Variants in ANXA6 observed in about 807,000 individuals in gnomAD.
The protein encoded by ANXA6 is annexin A6.
A neutral mutation model predicts 95.4 loss-of-function variants in ANXA6; 71 were observed. The ratio of observed to expected loss-of-function variants is 0.74; its 90% CI spans 0.61 to 0.91. ANXA6 has a LOEUF of 0.91. Among genes scored for constraint, ANXA6 ranks in the 40% least tolerant of loss-of-function variants. The pLI, the probability that ANXA6 is intolerant of heterozygous loss-of-function variation, is 0.00. For missense variants in ANXA6, 830 were observed against 876.4 expected (o/e 0.95, Z 0.67); for synonymous variants, 289 against 315.9 (o/e 0.91, Z 0.90).
At chr5:151,115,084 A>G (rs2113905373) in intron 20 of ANXA6, among the ~76,000 whole-genome samples, 1 of 152,372 alleles carries the variant, frequency 6.6e-6, no homozygotes, top group East Asian at 1.9e-4. Context: ...TGGTTAAATA[A>G]CATGGTAGAT....
intron 1 of ANXA6, among the ~76,000 whole-genome samples, chr5:151,150,145 A>ATGTT (rs1377340124): frequency 6.6e-6 from 1 of 152,000 alleles, no homozygotes; most frequent in Non-Finnish European, 1.5e-5. Context: ...TAAACATAAC[A>ATGTT]AAGTCAATCA....
intron 10 of ANXA6, 35 bp downstream of exon 10, chr5:151,132,441 C>G: frequency 6.5e-7 from 1 of 1,531,900 alleles, no homozygotes; most frequent in Non-Finnish European, 8.9e-7. Context: ...TCCAGAATCC[C>G]CTAAAGCCCC....
rs778909451 is a variant in ANXA6 at position 151,117,187 on chromosome 5, C to T, written c.1519-7G>A. The T allele has an allele frequency of 1.3e-6, 2 of 1,588,768 alleles. No homozygotes were observed. The highest frequency in any genetic ancestry group is 1.7e-6 in the Non-Finnish European group (2 of 1,165,166). ...CTCCCTCCTCACGATGCCCCTGCAG[C>T]AGGAGCAGCAAGAAAGTTCAGTCCC... On this transcript the variant is annotated splice_region_variant and splice_polypyrimidine_tract_variant and intron_variant, in intron 19 of 25. Transcript: ENST00000354546.
chr5:151,129,678 C>T, intron 11 of ANXA6, 149 bp from the exon 12 acceptor site: 1 of 842,508 alleles, frequency 1.2e-6, no homozygotes, highest in Admixed American at 2.8e-5. Flanking sequence ...TTGAAGCTCT[C>T]TCTATGCTCC....
intron 25 of ANXA6, among the ~76,000 whole-genome samples, chr5:151,102,450 T>C (rs1764575425): frequency 6.6e-6 from 1 of 152,136 alleles, no homozygotes; most frequent in Non-Finnish European, 1.5e-5. Context: ...ACACCTGTAA[T>C]CCCAGCACTT....
In ANXA6 at chr5:151,137,271, G is replaced by A. The variant is rs374781571; in HGVS notation, c.369C>T (p.Thr123=). The A allele has an allele frequency of 8.7e-6, 14 of 1,613,556 alleles. No homozygotes were observed. Among genetic ancestry groups the A allele is most frequent in the Admixed American group, 1.7e-5 (1 of 59,982 alleles). The change falls in exon 6 of 26, where the codon ACC becomes ACT. Residue 123 remains threonine, a synonymous_variant. Coordinates refer to ENST00000354546, the MANE Select transcript of ANXA6 (RefSeq NM_001155.5). The part of the protein sequence containing the change: ...KCLIEILASR[T]NEQMHQLVAA... ...CCACCAGCTGGTGCATCTGCTCATT[G>A]GTCCGGGAAGCCAAGATCTCAATGA...
intron 1 of ANXA6, among the ~76,000 whole-genome samples, chr5:151,149,398 G>A (rs1766051778): frequency 6.6e-6 from 1 of 152,106 alleles, no homozygotes; most frequent in Non-Finnish European, 1.5e-5. Flanking sequence ...GCACTCAGGA[G>A]GGCAACAGAT....
chr5:151,131,728 C>T (rs1254525444), intron 10 of ANXA6, among the ~76,000 whole-genome samples: 1 of 152,122 alleles, frequency 6.6e-6, no homozygotes, highest in East Asian at 1.9e-4. Context: ...CAGGGGATGG[C>T]TCTGGGAGGG....
chr5:151,105,496 C>T (rs571764473), intron 23 of ANXA6, among the ~76,000 whole-genome samples, 193 bp from the exon 24 acceptor site: 1 of 152,128 alleles, frequency 6.6e-6, no homozygotes, highest in African/African-American at 2.4e-5. Context: ...CATCCTTAGG[C>T]CTGGCTCTCA....
intron 19 of ANXA6, among the ~76,000 whole-genome samples, 162 bp from the exon 20 acceptor site, chr5:151,117,342 T>C (rs936942413): frequency 6.6e-6 from 1 of 152,162 alleles, no homozygotes; most frequent in African/African-American, 2.4e-5. Context: ...TTGTGGTCAT[T>C]AACTGAGAAT....
In ANXA6 at chr5:151,132,540, C is replaced by T; in HGVS notation, c.672G>A (p.Lys224=). 6.2e-7 allele frequency: 1 copy of T among 1,613,512 alleles called. No homozygotes were observed. Among genetic ancestry groups the T allele is most frequent in the Non-Finnish European group, 8.5e-7 (1 of 1,179,768 alleles). The change falls in exon 10 of 26, where the codon AAG becomes AAA. Residue 224 remains lysine (K), a synonymous_variant. Transcript: ENST00000354546. ...CCCCTCGGATGCTGGCTTCAATCGG[C>T]TTCCCTGTGGTCTTCAGATACTCAT... ...VFDEYLKTTG[K]PIEASIRGEL...
intron 4 of ANXA6, 110 bp downstream of exon 4, chr5:151,139,243 C>T (rs1351024041): frequency 1.3e-6 from 1 of 773,970 alleles, no homozygotes; most frequent in Non-Finnish European, 2.1e-6. Flanking sequence ...GGTGTCAGCC[C>T]ACAGGCTAAC....
At chr5:151,143,059 A>G (rs13185827) in intron 2 of ANXA6, among the ~76,000 whole-genome samples, 23,274 of 149,922 alleles carry the variant, frequency 0.16, 1,991 homozygotes, top group African/African-American at 0.26. Flanking sequence ...AAGGACTTTG[A>G]GAACCACAAG....
At chr5:151,132,994 G>A (rs1162397246) in intron 9 of ANXA6, 100 bp downstream of exon 9, 3 of 885,500 alleles carry the variant, frequency 3.4e-6, no homozygotes, top group Non-Finnish European at 5.4e-6. Flanking sequence ...AATGAAGTAG[G>A]TATCATGTTC....
chr5:151,110,047 C>T (rs1392660818), intron 21 of ANXA6, among the ~76,000 whole-genome samples: 2 of 152,164 alleles, frequency 1.3e-5, no homozygotes, highest in Non-Finnish European at 2.9e-5. Context: ...TCACAAGGAC[C>T]CTGTGAACTG....
chr5:151,138,379 G>A (rs1171559459), intron 5 of ANXA6, among the ~76,000 whole-genome samples: 3 of 152,132 alleles, frequency 2.0e-5, no homozygotes, highest in African/African-American at 4.8e-5. Flanking sequence ...GGGTCATGTT[G>A]ATTACCTTTA....
At chr5:151,141,459 G>T in intron 2 of ANXA6, 1 of 950,364 alleles carries the variant, frequency 1.1e-6, no homozygotes, top group Non-Finnish European at 1.3e-6. Flanking sequence ...AAACAGCAGA[G>T]GCTGATCCAG....
At chr5:151,144,840 C>T (rs1765933789) in intron 2 of ANXA6, among the ~76,000 whole-genome samples, 1 of 152,056 alleles carries the variant, frequency 6.6e-6, no homozygotes, top group Admixed American at 6.5e-5. Flanking sequence ...TGTCCTGGGA[C>T]CCCACAGGAT....
At chr5:151,129,155 T>C (rs1039043199) in intron 12 of ANXA6, among the ~76,000 whole-genome samples, 5 of 152,312 alleles carry the variant, frequency 3.3e-5, no homozygotes, top group Admixed American at 2.0e-4. Flanking sequence ...CGCACTTAAT[T>C]CAGCTTGCGT....
Sources: allele counts gnomAD v4.1 joint callset (sites outside exome capture counted in the v4.1 genomes callset), GRCh38; gene constraint gnomAD v4.1.1; transcripts MANE v1.5; gene names NCBI Gene and HGNC (gene_info 2026-07-23, HGNC 2026-07-21).